The following TONSL variants were observed in gnomAD, a reference collection of about 807,000 sequenced individuals.
The protein encoded by TONSL is tonsoku like, DNA repair protein, also known as tonsoku-like protein.
TONSL carries 112 observed loss-of-function variants against 147.1 expected under a neutral mutation model. The ratio of observed to expected loss-of-function variants is 0.76; its 90% CI spans 0.65 to 0.89. The LOEUF is 0.89. Among genes scored for constraint, TONSL ranks in the 40% least tolerant of loss-of-function variants. The pLI, the probability that TONSL is intolerant of heterozygous loss-of-function variation, is 0.00. For synonymous variants in TONSL, 868 were observed against 801.5 expected, an observed-to-expected ratio of 1.08 and a Z score of -1.40; for missense variants, 1,883 against 1,864.6, an observed-to-expected ratio of 1.01 and a Z score of -0.18.
chr8:144,438,164 G>C (rs565074874), intron 13 of TONSL: 44 of 431,158 alleles, frequency 1.0e-4, no homozygotes, highest in African/African-American at 7.5e-4. Context: ...GCATCCCAAA[G>C]TGCTGGGATT....
At position 144,436,294 on chromosome 8, in the gene TONSL, C is replaced by G. The variant is rs867681913; in HGVS notation, c.2139G>C (p.Gln713His). The change falls in exon 17 of 26, where the codon CAG (glutamine) becomes CAC (histidine). Residue 713 changes from glutamine (Q) to histidine (H), a missense_variant. Transcript: ENST00000409379. ...GCCCTGGGGAGACCCTGACATGGGC[C>G]TGAGAGGCCTCTGGGAGTCTAGTGC... ...SNSTRLPEASQAHVRVSPGQA... is the reference protein window; with the variant it reads ...SNSTRLPEASHAHVRVSPGQA... The G allele has an allele frequency of 6.6e-7, 1 of 1,505,168 alleles. No individual in the cohort carries two copies. The highest frequency in any genetic ancestry group is 1.8e-4 in the Middle Eastern group (1 of 5,590). The allele number at this position is 1,505,168 out of a possible 1,614,324, so 93.2% of individuals were successfully genotyped here.
Position 144,440,395 on chromosome 8 carries a change from T to C in TONSL, c.1246A>G (p.Lys416Glu), listed in dbSNP as rs766147707. The change falls in exon 10 of 26, where the codon AAA becomes GAA. Residue 416 changes from lysine to glutamate, a missense_variant. Coordinates refer to ENST00000409379, the MANE Select transcript of TONSL (RefSeq NM_013432.5). Reference protein sequence around the residue: ...AYELLAPCFQKALSCAQQAQR... With the variant: ...AYELLAPCFQEALSCAQQAQR... ...GCCTGCTGGGCACAGCTGAGCGCTT[T>C]CTGGAAGCACGGGGCCAGCAGCTCG... The C allele has an allele frequency of 6.2e-7, 1 of 1,607,398 alleles. No homozygotes were observed. Among genetic ancestry groups the C allele is most frequent in the South Asian group, 1.1e-5 (1 of 90,870 alleles).
At chr8:144,432,135 T>C (rs13249053) in intron 23 of TONSL, 150 bp downstream of exon 23, 461,668 of 901,666 alleles carry the variant, frequency 0.51, 120,431 homozygotes, top group Middle Eastern at 0.61. Flanking sequence ...CCCCCAGCTG[T>C]TTTTTCTAAA....
rs775173423 is a variant in TONSL at position 144,436,594 on chromosome 8, T to C, written c.1978A>G (p.Met660Val). ...GCAGCCGCCTGGAGCAGCATCTCCA[T>C]GGCCCTGGCCTTCTGCCGCGTCTCC... ...DLETRQKARA[M>V]EMLLQAAASG... is the part of the protein sequence containing the mutation. Residue 660 changes from methionine (M) to valine (V), a missense_variant, in exon 16 of 26, where the codon ATG becomes GTG. Met to Val is a conservative substitution (Grantham distance 21). Transcript: ENST00000409379. The C allele has an allele frequency of 1.2e-6, 2 of 1,611,582 alleles. No homozygotes were observed. Among genetic ancestry groups the C allele is most frequent in the Admixed American group, 3.3e-5 (2 of 60,008 alleles).
chr8:144,443,647 T>A (rs1586698456), intron 3 of TONSL, among the ~76,000 whole-genome samples: 1 of 152,124 alleles, frequency 6.6e-6, no homozygotes, highest in East Asian at 1.9e-4. Flanking sequence ...CAAACACAGC[T>A]AAAATAACGT....
rs1196203920 is a variant in TONSL, at chr8:144,429,313, C to T, written c.3967G>A (p.Gly1323Ser). The change falls in exon 26 of 26, where the codon GGC (glycine) becomes AGC (serine). Residue 1323 changes from glycine (G) to serine (S), a missense_variant. Gly to Ser is a moderately conservative substitution (Grantham distance 56, BLOSUM62 0). Coordinates refer to ENST00000409379, the MANE Select transcript of TONSL (RefSeq NM_013432.5). Reference protein sequence around the residue: ...LSGCAVQGPLGLGLWDKIAAQ... With the variant: ...LSGCAVQGPLSLGLWDKIAAQ... ...GCTATCTTGTCCCACAGGCCCAGGC[C>T]CAGGGGACCCTGGACGGCGCAGCCT... 5 of 1,480,100 alleles carry T rather than the reference C, an allele frequency of 3.4e-6. No homozygotes were observed. Among genetic ancestry groups the T allele is most frequent in the Non-Finnish European group, 4.5e-6 (5 of 1,111,066 alleles). 91.7% of individuals were successfully genotyped at this position (1,480,100 alleles called of 1,614,324 possible).
At position 144,429,321 on chromosome 8, in the gene TONSL, C is replaced by T. The variant is rs1554878099; in HGVS notation, c.3959G>A (p.Gly1320Asp). 3 of 1,457,200 alleles carry T rather than the reference C, an allele frequency of 2.1e-6. No individual in the cohort carries two copies. The highest frequency in any genetic ancestry group is 2.7e-6 in the Non-Finnish European group (3 of 1,100,816). 90.3% of individuals were successfully genotyped at this position (1,457,200 alleles called of 1,614,324 possible). Residue 1320 changes from glycine to aspartate, a missense_variant, in exon 26 of 26, where the codon GGT becomes GAT. By Grantham distance (94) the Gly-to-Asp change is moderately conservative (BLOSUM62 -1). Coordinates refer to ENST00000409379, the MANE Select transcript of TONSL (RefSeq NM_013432.5). ...FLGLSGCAVQGPLGLGLWDKI... is the reference protein window; with the variant it reads ...FLGLSGCAVQDPLGLGLWDKI... ...GTCCCACAGGCCCAGGCCCAGGGGA[C>T]CCTGGACGGCGCAGCCTGCGGAGGG...
chr8:144,433,944 G>A (rs1353723255), intron 21 of TONSL, 34 bp downstream of exon 21: 33 of 1,527,618 alleles, frequency 2.2e-5, no homozygotes, highest in African/African-American at 4.1e-5. Context: ...CCAACTCCCC[G>A]CTGTTGAGGG....
intron 25 of TONSL, 147 bp downstream of exon 25, chr8:144,430,257 C>G (rs782498168): frequency 5.1e-6 from 5 of 977,772 alleles, no homozygotes; most frequent in Non-Finnish European, 7.2e-6. Context: ...CACTGTCACT[C>G]TGCCCCCTGC....
At position 144,444,243 on chromosome 8, in the gene TONSL, C is replaced by T. The variant is rs1823826837; in HGVS notation, c.58G>A (p.Ala20Thr). 2.1e-6 allele frequency: 3 copies of T among 1,456,124 alleles called. No individual in the cohort carries two copies. Among genetic ancestry groups the T allele is most frequent in the South Asian group, 2.6e-5 (2 of 75,686 alleles). The allele number at this position is 1,456,124 out of a possible 1,614,324, so 90.2% of individuals were successfully genotyped here. ...LSKAKAKAQR[A>T]GQRREEAALC... ...GCGGCCTCTTCGCGCCGCTGCCCGGCCCTCTGCGCCTTGGCTTTCGCCTTG... is the reference window on the plus strand; with the variant it reads ...GCGGCCTCTTCGCGCCGCTGCCCGGTCCTCTGCGCCTTGGCTTTCGCCTTG... Residue 20 changes from alanine (A) to threonine (T), a missense_variant, in exon 2 of 26, where the codon GCC (alanine) becomes ACC (threonine). Transcript: ENST00000409379.
rs986229360 is a variant in TONSL at position 144,441,909 on chromosome 8, C to T, written c.865+128G>A. ...CCCCTCTTGCTGAAGCTGCTGCCTC[C>T]AAGGACAGGTGCTCAGGCCTCCTCT... On this transcript the variant is annotated intron_variant, in intron 7 of 25. Transcript: ENST00000409379. 9.5e-6 allele frequency: 7 copies of T among 737,798 alleles called. No individual in the cohort carries two copies. The African/African-American group carries it at 1.3e-4, about 13-fold the overall frequency. 45.7% of individuals were successfully genotyped at this position (737,798 alleles called of 1,614,324 possible).
At chr8:144,443,354 G>C (rs762599280) in intron 3 of TONSL, 33 bp from the exon 4 acceptor site, 1 of 1,531,390 alleles carries the variant, frequency 6.5e-7, no homozygotes, top group Non-Finnish European at 8.8e-7. Context: ...GCTGTGAGCC[G>C]ACTCCGCCTC....
intron 23 of TONSL, among the ~76,000 whole-genome samples, 189 bp downstream of exon 23, chr8:144,432,096 G>T (rs1208369271): frequency 2.0e-5 from 3 of 152,094 alleles, no homozygotes; most frequent in African/African-American, 7.2e-5. Flanking sequence ...AAAGTACTGG[G>T]ATTACAGGCG....
chr8:144,429,587 T>C (rs1235726577), intron 25 of TONSL, among the ~76,000 whole-genome samples: 2 of 152,144 alleles, frequency 1.3e-5, no homozygotes, highest in East Asian at 1.9e-4. Context: ...TCAAAGTCCA[T>C]GCCTACACGT....
In TONSL at chr8:144,435,329, C is replaced by T; in HGVS notation, c.2852+145G>A. On this transcript the variant is annotated intron_variant, in intron 18 of 25. Transcript: ENST00000409379. ...CCCTGCAGCCCAGCACACCACCAGC[C>T]CCTCTGCTATTCCTGGGGGCCACAG... 4 of 1,236,292 alleles carry T rather than the reference C, an allele frequency of 3.2e-6. No homozygotes were observed. In the South Asian group the frequency reaches 4.8e-5, roughly 15 times the overall value. 76.6% of individuals were successfully genotyped at this position (1,236,292 alleles called of 1,614,324 possible). A position where few individuals can be genotyped will look rare whatever the true frequency, so the allele number is the denominator to read the frequency against.
intron 3 of TONSL, 58 bp downstream of exon 3, chr8:144,443,824 T>A (rs1168026542): frequency 1.3e-6 from 2 of 1,533,208 alleles, no homozygotes; most frequent in Non-Finnish European, 1.8e-6. Context: ...GCCTCCCTCC[T>A]CAGAAAAGGG....
In TONSL at chr8:144,440,118, T is replaced by C; in HGVS notation, c.1383A>G (p.Val461=). 6.2e-7 allele frequency: 1 copy of C among 1,612,280 alleles called. No individual in the cohort carries two copies. Among genetic ancestry groups the C allele is most frequent in the African/African-American group, 1.3e-5 (1 of 75,016 alleles). Residue 461 remains valine, a synonymous_variant, in exon 11 of 26, where the codon GTA becomes GTG. Transcript: ENST00000409379. Reference sequence around the variant, plus strand: ...CCTCCTCCTCATCTTCATCTTCAGCTACACTGAGCTCCCGTAGTCTGGTTT... The same window carrying C: ...CCTCCTCCTCATCTTCATCTTCAGCCACACTGAGCTCCCGTAGTCTGGTTT... ...ETETRLRELS[V]AEDEDEEEEA...
At chr8:144,432,563 C>T (rs1823251797) in intron 22 of TONSL, 103 bp from the exon 23 acceptor site, 2 of 1,212,950 alleles carry the variant, frequency 1.6e-6, no homozygotes, top group Non-Finnish European at 2.2e-6. Context: ...GAAACCACTA[C>T]CGCAGTGCTC....
rs1216604255 is a variant in TONSL, at chr8:144,440,779, T to C, written c.1103A>G (p.His368Arg). 2 of 1,612,828 alleles carry C rather than the reference T, an allele frequency of 1.2e-6. No homozygotes were observed. Among genetic ancestry groups the C allele is most frequent in the Non-Finnish European group, 1.7e-6 (2 of 1,179,984 alleles). ...CTCATAGTGGCGCACGGCCCCATGG[T>C]GGTCCTTCATGTCTCCCAGTGTGGT... ...LATTLGDMKD[H>R]HGAVRHYEEE... The change falls in exon 9 of 26, where the codon CAC becomes CGC. Residue 368 changes from histidine (H) to arginine (R), a missense_variant. Transcript: ENST00000409379.
Sources: allele counts gnomAD v4.1 joint callset (sites outside exome capture counted in the v4.1 genomes callset), GRCh38; gene constraint gnomAD v4.1.1; transcripts MANE v1.5; gene names NCBI Gene and HGNC (gene_info 2026-07-23, HGNC 2026-07-21).